The following SHROOM3 variants were observed in gnomAD, a reference collection of about 807,000 sequenced individuals.
SHROOM3 encodes the protein protein Shroom3.
A neutral mutation model predicts 138.6 loss-of-function variants in SHROOM3; 47 were observed. The ratio of observed to expected loss-of-function variants is 0.34; its 90% CI spans 0.27 to 0.43. The LOEUF is 0.43. Among genes scored for constraint, SHROOM3 ranks in the 20% least tolerant of loss-of-function variants. The probability of loss-of-function intolerance (pLI) is 1.00; values close to 1 mark genes in which losing one functional copy is unlikely to be tolerated. For synonymous variants in SHROOM3, 1,062 were observed against 1,063.3 expected (o/e 1.00, Z 0.02); for missense variants, 2,491 against 2,596.5 (o/e 0.96, Z 0.88).
intron 2 of SHROOM3, among the ~76,000 whole-genome samples, chr4:76,615,556 G>A (rs1385772833): frequency 6.6e-6 from 1 of 152,154 alleles, no homozygotes; most frequent in African/African-American, 2.4e-5. Flanking sequence ...CTGTTTTTTA[G>A]CTAAGAATTT....
intron 1 of SHROOM3, among the ~76,000 whole-genome samples, chr4:76,482,144 G>A (rs1015073669): frequency 1.3e-5 from 2 of 152,156 alleles, no homozygotes; most frequent in Non-Finnish European, 2.9e-5. Context: ...AGTATTGGAA[G>A]CTCTGGCCAG....
At chr4:76,495,333 G>GC (rs1731941966) in intron 1 of SHROOM3, among the ~76,000 whole-genome samples, 1 of 152,006 alleles carries the variant, frequency 6.6e-6, no homozygotes, top group Admixed American at 6.5e-5. Flanking sequence ...GCTGAAAGGA[G>GC]CAAAAAAAAT....
intron 1 of SHROOM3, among the ~76,000 whole-genome samples, chr4:76,460,810 G>A (rs1731124311): frequency 2.7e-5 from 2 of 75,196 alleles, no homozygotes; most frequent in African/African-American, 7.9e-5. Context: ...GGGTAACACA[G>A]TGAAAGCCCG....
intron 1 of SHROOM3, among the ~76,000 whole-genome samples, chr4:76,449,571 A>G (rs917178402): frequency 6.6e-6 from 1 of 152,182 alleles, no homozygotes; most frequent in Non-Finnish European, 1.5e-5. Context: ...CACAATGTGA[A>G]TATTCTTTGA....
chr4:76,626,509 T>A (rs1040183178), intron 2 of SHROOM3, among the ~76,000 whole-genome samples: 9 of 152,184 alleles, frequency 5.9e-5, no homozygotes, highest in African/African-American at 1.9e-4. Context: ...TAAGAAAAAT[T>A]TCAGATAACC....
At chr4:76,536,824 C>T (rs1732963018) in intron 1 of SHROOM3, among the ~76,000 whole-genome samples, 1 of 152,148 alleles carries the variant, frequency 6.6e-6, no homozygotes, top group Non-Finnish European at 1.5e-5. Flanking sequence ...ATAAATAATG[C>T]AGGCAAGGCT....
rs535506772 is a variant in SHROOM3, at chr4:76,549,208, G to A, written c.169-6401G>A. Among the ~76,000 whole-genome samples the A allele has an allele frequency of 9.7e-4, 148 of 152,132 alleles. 1 individual carries two copies. Among genetic ancestry groups the A allele is most frequent in the Non-Finnish European group, 5.3e-4 (36 of 68,014 alleles). On this transcript the variant is annotated intron_variant, in intron 1 of 10. Transcript: ENST00000296043. Reference sequence around the variant, plus strand: ...GTGTGGATAATTGGTACAAACTTACGATGTATGCATTTAGTTAGCCTCAGT... The same window carrying A: ...GTGTGGATAATTGGTACAAACTTACAATGTATGCATTTAGTTAGCCTCAGT...
rs556938836 is a variant in SHROOM3, at chr4:76,524,133, C to CTAAAAAAAA, written c.169-31476_169-31475insTAAAAAAAA. On this transcript the variant is annotated intron_variant, in intron 1 of 10. Coordinates refer to ENST00000296043, the MANE Select transcript of SHROOM3 (RefSeq NM_020859.4). ...GTTAGCAGGAGGTAGAGGGTCCGGG[C>CTAAAAAAAA]AAATGTTTGTTTTTATAAGAAGAGA... Among the ~76,000 whole-genome samples the CTAAAAAAAA allele has an allele frequency of 1.3e-3, 199 of 152,156 alleles. 1 individual carries two copies. The highest frequency in any genetic ancestry group is 2.8e-4 in the Non-Finnish European group (19 of 68,016).
intron 2 of SHROOM3, among the ~76,000 whole-genome samples, chr4:76,595,565 A>G (rs1401327173): frequency 6.6e-6 from 1 of 152,086 alleles, no homozygotes; most frequent in East Asian, 1.9e-4. Context: ...AATGAGAAAT[A>G]CTTTTTCAAA....
chr4:76,539,218 C>T (rs887461520), intron 1 of SHROOM3, among the ~76,000 whole-genome samples: 3 of 152,164 alleles, frequency 2.0e-5, no homozygotes, highest in African/African-American at 7.2e-5. Flanking sequence ...GTAGGCACAA[C>T]CAGAGATGTT....
At chr4:76,447,216 T>C (rs372160670) in intron 1 of SHROOM3, among the ~76,000 whole-genome samples, 1 of 152,184 alleles carries the variant, frequency 6.6e-6, no homozygotes, top group African/African-American at 2.4e-5. Context: ...CCAGGCAATT[T>C]AAGTGGAAAT....
In SHROOM3 at chr4:76,740,483, G is replaced by C. The variant is rs147449815; in HGVS notation, c.2310G>C (p.Gln770His). 2,406 of 1,612,854 alleles carry C rather than the reference G, an allele frequency of 1.5e-3. 3 individuals carry two copies. Among genetic ancestry groups the C allele is most frequent in the Non-Finnish European group, 1.9e-3 (2,210 of 1,179,288 alleles). Residue 770 changes from glutamine (Q) to histidine (H), a missense_variant, in exon 5 of 11, where the codon CAG (glutamine) becomes CAC (histidine). Around this residue, in one of 4 missense-constraint regions of SHROOM3, gnomAD observed 1,733 missense variants for 1,661.6 expected, o/e 1.04. Transcript: ENST00000296043. This position sits in a 1 kb window ranked among gnomAD's most constrained non-coding sequence, Gnocchi z 4.0. ...GCCCAGGCAGCGCCTCGGCTCTTCA[G>C]GGCTTTCAGTACGGGAAGCCCCACT... ...GPGPGSASAL[Q>H]GFQYGKPHCS...
At chr4:76,726,087 A>G (rs1720694611) in intron 3 of SHROOM3, among the ~76,000 whole-genome samples, 2 of 152,060 alleles carry the variant, frequency 1.3e-5, no homozygotes, top group South Asian at 2.1e-4. Context: ...TGCCATTGCA[A>G]GGACTTGCTA....
rs561852204 is a variant in SHROOM3, at chr4:76,669,447, C to A, written c.324-40709C>A. Among the ~76,000 whole-genome samples, 10 of 152,096 alleles carry A rather than the reference C, an allele frequency of 6.6e-5. No homozygotes were observed. The South Asian group carries it at 2.1e-3, about 32-fold the overall frequency. ...ACCAGCCTGGCCAACATGGTAAAAC[C>A]CTGTCTCTACTAAAAATTCAAAAAG... On this transcript the variant is annotated intron_variant, in intron 2 of 10. Transcript: ENST00000296043.
At chr4:76,573,400 A>G (rs953146303) in intron 2 of SHROOM3, among the ~76,000 whole-genome samples, 8 of 146,568 alleles carry the variant, frequency 5.5e-5, no homozygotes, top group Non-Finnish European at 1.0e-4. Flanking sequence ...TAATAATAAT[A>G]ATAATAATAA....
At chr4:76,504,338 T>C (rs1732162015) in intron 1 of SHROOM3, among the ~76,000 whole-genome samples, 1 of 152,106 alleles carries the variant, frequency 6.6e-6, no homozygotes, top group South Asian at 2.1e-4. Context: ...TTTTTGTATT[T>C]AGTGGAGACA....
At chr4:76,461,796 T>A (rs1490959819) in intron 1 of SHROOM3, among the ~76,000 whole-genome samples, 2 of 152,168 alleles carry the variant, frequency 1.3e-5, no homozygotes, top group African/African-American at 4.8e-5. Flanking sequence ...TTTGCTCAAG[T>A]TATCACATCT....
chr4:76,549,931 C>T (rs1733313035), intron 1 of SHROOM3, among the ~76,000 whole-genome samples: 1 of 152,102 alleles, frequency 6.6e-6, no homozygotes, highest in Admixed American at 6.6e-5. Context: ...ACTGGGACTC[C>T]ACCTTTAGGA....
chr4:76,709,425 C>A (rs1169743058), intron 2 of SHROOM3, among the ~76,000 whole-genome samples: 1 of 152,236 alleles, frequency 6.6e-6, no homozygotes, highest in Admixed American at 6.5e-5. Context: ...CTTAGAAATT[C>A]ATGACCTGTC....
Sources: gnomAD v4.1 joint callset for allele counts (sites outside exome capture counted in the v4.1 genomes callset) on GRCh38, gnomAD v4.1.1 for gene constraint, gnomAD v4.1.1 regional missense constraint, Gnocchi (gnomAD v3.1) non-coding constraint, MANE v1.5 for transcripts, NCBI Gene and HGNC (gene_info 2026-07-23, HGNC 2026-07-21) for gene names.